Variants in LRBA observed in about 807,000 individuals in gnomAD.
LRBA encodes the protein LPS responsive beige-like anchor protein.
In LRBA, 176 loss-of-function variants were observed where a neutral mutation model predicts 330.0. That is an observed-to-expected ratio of 0.53 (90% CI 0.47 to 0.60). The LOEUF is 0.60. LRBA is among the 20% of genes least tolerant of loss of function. The probability of loss-of-function intolerance (pLI) is 0.00; values close to 1 mark genes in which losing one functional copy is unlikely to be tolerated. For missense variants in LRBA, 3,259 were observed against 3,444.8 expected, an observed-to-expected ratio of 0.95 and a Z score of 1.35; for synonymous variants, 1,230 against 1,193.0, an observed-to-expected ratio of 1.03 and a Z score of -0.64.
In LRBA at chr4:150,686,602, G is replaced by A. The variant is rs866034653; in HGVS notation, c.5755-2885C>T. Among the ~76,000 whole-genome samples, 7 of 152,012 alleles carry A rather than the reference G, an allele frequency of 4.6e-5. No individual in the cohort carries two copies. The South Asian group carries it at 6.2e-4, about 14-fold the overall frequency. On this transcript the variant is annotated intron_variant, in intron 36 of 56. Transcript: ENST00000651943. Reference sequence around the variant, plus strand: ...AACCATACACTAAAACAAATAGTACGAAATGACAGACATTCACAGAACTGT... The same window carrying A: ...AACCATACACTAAAACAAATAGTACAAAATGACAGACATTCACAGAACTGT...
At chr4:150,271,183 C>G (rs566411859) in intron 56 of LRBA, among the ~76,000 whole-genome samples, 12 of 152,318 alleles carry the variant, frequency 7.9e-5, no homozygotes, top group African/African-American at 2.6e-4. Flanking sequence ...GGCCCAGATA[C>G]TGCGCTTTTC....
At chr4:150,656,220 G>C (rs896943789) in intron 37 of LRBA, among the ~76,000 whole-genome samples, 1 of 152,114 alleles carries the variant, frequency 6.6e-6, no homozygotes, top group Non-Finnish European at 1.5e-5. Context: ...ATTTTGTTAG[G>C]CTTCTCAGCC....
intron 48 of LRBA, among the ~76,000 whole-genome samples, chr4:150,331,571 T>C (rs535546582): frequency 1.3e-5 from 2 of 152,330 alleles, no homozygotes; most frequent in South Asian, 2.1e-4. Flanking sequence ...ATGTCCTAGA[T>C]AGATTCATTG....
At chr4:150,970,524 TG>T (rs1349737735) in intron 2 of LRBA, 15 of 97,682 alleles carry the variant, frequency 1.5e-4, no homozygotes, top group East Asian at 6.4e-4. Flanking sequence ...AATATATACT[TG>T]TGTGTGTGTG....
At chr4:150,267,878 G>A (rs757040752) in intron 56 of LRBA, among the ~76,000 whole-genome samples, 13 of 151,992 alleles carry the variant, frequency 8.6e-5, no homozygotes, top group Admixed American at 2.0e-4. Flanking sequence ...TGGCCAACCC[G>A]GGGAAACCTC....
intron 52 of LRBA, among the ~76,000 whole-genome samples, chr4:150,304,688 G>A (rs1253854060): frequency 6.6e-6 from 1 of 151,954 alleles, no homozygotes; most frequent in Admixed American, 6.6e-5. Context: ...AAAAAAAATT[G>A]AGCAAATTAA....
chr4:150,675,872 A>G (rs1290753602), intron 37 of LRBA, among the ~76,000 whole-genome samples: 2 of 152,192 alleles, frequency 1.3e-5, no homozygotes, highest in Non-Finnish European at 2.9e-5. Flanking sequence ...AGATATTAAC[A>G]TATAAAGCTC....
chr4:150,673,104 C>T (rs1782213787), intron 37 of LRBA, among the ~76,000 whole-genome samples: 1 of 152,130 alleles, frequency 6.6e-6, no homozygotes, highest in African/African-American at 2.4e-5. Flanking sequence ...AAGTTCTCCA[C>T]AATAACTTGC....
rs1332994643 is a variant in LRBA at position 150,928,458 on chromosome 4, C to G, written c.549+58G>C. 6.0e-6 allele frequency: 6 copies of G among 997,474 alleles called. No homozygotes were observed. In the African/African-American group the frequency reaches 9.7e-5, roughly 16 times the overall value. The allele number at this position is 997,474 out of a possible 1,614,324, so 61.8% of individuals were successfully genotyped here. ...ATAATATCAGTTACTTTACAAGCTA[C>G]GAATGTGTTTGGGAGGAGCATACTT... is the stretch of plus-strand genomic sequence containing the variant. On this transcript the variant is annotated intron_variant, in intron 4 of 56. Coordinates refer to ENST00000651943, the MANE Select transcript of LRBA (RefSeq NM_001364905.1).
At chr4:150,905,799 A>C in intron 13 of LRBA, 39 bp downstream of exon 13, 2 of 1,519,792 alleles carry the variant, frequency 1.3e-6, no homozygotes, top group Admixed American at 1.9e-5. Context: ...AAAAACAGCA[A>C]AGATAGTAAA....
chr4:150,981,354 G>A (rs1740809419), intron 2 of LRBA, among the ~76,000 whole-genome samples: 1 of 150,132 alleles, frequency 6.7e-6, no homozygotes, highest in Admixed American at 6.7e-5. Context: ...TGGAGGTTGT[G>A]GTGAGCTGAG....
chr4:150,294,795 C>CA (rs1290147511), intron 53 of LRBA, among the ~76,000 whole-genome samples: 5 of 152,170 alleles, frequency 3.3e-5, no homozygotes, highest in South Asian at 4.1e-4. Context: ...ACTAAAAATA[C>CA]AAAAAAATTA....
chr4:150,780,068 T>C (rs1000620163), intron 34 of LRBA, among the ~76,000 whole-genome samples: 4 of 152,202 alleles, frequency 2.6e-5, no homozygotes, highest in Admixed American at 2.6e-4. Context: ...AAATAAGCCA[T>C]ATAGAAAACA....
intron 37 of LRBA, among the ~76,000 whole-genome samples, chr4:150,600,022 T>C (rs375092312): frequency 2.8e-4 from 42 of 152,252 alleles, no homozygotes; most frequent in African/African-American, 9.6e-4. Flanking sequence ...TTTCCCCTAT[T>C]ACATACACAT....
intron 13 of LRBA, 139 bp from the exon 14 acceptor site, chr4:150,900,356 A>G (rs947699404): frequency 1.8e-6 from 1 of 562,376 alleles, no homozygotes; most frequent in Non-Finnish European, 3.1e-6. Flanking sequence ...TCCATATTAG[A>G]CAACACATAC....
At position 150,764,476 on chromosome 4, in the gene LRBA, A is replaced by T. The variant is rs908835257; in HGVS notation, c.5581-2629T>A. ...GATACAAGGTTAATATACAAAAGTCAACCACTTTCCTATGTATCAGTAATA... is the reference window on the plus strand; with the variant it reads ...GATACAAGGTTAATATACAAAAGTCTACCACTTTCCTATGTATCAGTAATA... On this transcript the variant is annotated intron_variant, in intron 34 of 56. Coordinates refer to ENST00000651943, the MANE Select transcript of LRBA (RefSeq NM_001364905.1). 2.6e-5 allele frequency among the ~76,000 whole-genome samples: 4 copies of T among 152,178 alleles called. No homozygotes were observed. In the South Asian group the frequency reaches 8.3e-4, roughly 32 times the overall value.
Position 150,320,016 on chromosome 4 carries a change from G to GA in LRBA, c.7630+1174dup, listed in dbSNP as rs559881248. ...TTGCCTACCTAAAACAACGGCTTGGGAAAAAAGTCTATAATCTCCAGAAGT... is the reference window on the plus strand; with the variant it reads ...TTGCCTACCTAAAACAACGGCTTGGGAAAAAAAGTCTATAATCTCCAGAAGT... On this transcript the variant is annotated intron_variant, in intron 50 of 56. Transcript: ENST00000651943. 1.8e-3 allele frequency among the ~76,000 whole-genome samples: 270 copies of GA among 152,128 alleles called. 3 individuals carry two copies. The highest frequency in any genetic ancestry group is 6.2e-3 in the African/African-American group (259 of 41,526).
At chr4:150,616,059 T>G (rs1173951689) in intron 37 of LRBA, among the ~76,000 whole-genome samples, 1 of 152,202 alleles carries the variant, frequency 6.6e-6, no homozygotes, top group Non-Finnish European at 1.5e-5. Flanking sequence ...GGACACTGAC[T>G]GAGATTTGGA....
At chr4:150,375,229 C>CAAA (rs1251071167) in intron 47 of LRBA, among the ~76,000 whole-genome samples, 1 of 152,080 alleles carries the variant, frequency 6.6e-6, no homozygotes, top group African/African-American at 2.4e-5. Flanking sequence ...AAAATGTGAC[C>CAAA]CCGTTCTCCT....
Sources: gnomAD v4.1 joint callset for allele counts (sites outside exome capture counted in the v4.1 genomes callset) on GRCh38, gnomAD v4.1.1 for gene constraint, MANE v1.5 for transcripts, NCBI Gene and HGNC (gene_info 2026-07-23, HGNC 2026-07-21) for gene names.